The following ANGEL1 variants were observed in gnomAD, a reference collection of about 807,000 sequenced individuals.
ANGEL1 encodes the protein angel homolog 1.
ANGEL1 carries 62 observed loss-of-function variants against 76.4 expected under a neutral mutation model. The ratio of observed to expected loss-of-function variants is 0.81; its 90% confidence interval spans 0.66 to 1.00. The LOEUF is 1.00. Ranked by LOEUF, ANGEL1 falls within the 50% of genes least tolerant of loss-of-function variation. ANGEL1 has a pLI of 0.00. For missense variants in ANGEL1, 737 were observed against 836.7 expected, an observed-to-expected ratio of 0.88 and a Z score of 1.47; for synonymous variants, 340 against 331.7, an observed-to-expected ratio of 1.03 and a Z score of -0.27.
At chr14:76,810,417 CAA>C (rs1183103172) in intron 1 of ANGEL1, among the ~76,000 whole-genome samples, 2 of 114,758 alleles carry the variant, frequency 1.7e-5, no homozygotes. Context: ...GACCTCATCT[CAA>C]AAAAAAAAAG....
Position 76,807,486 on chromosome 14 carries a change from T to C in ANGEL1, c.893A>G (p.Glu298Gly). The stretch of plus-strand genomic sequence containing the variant: ...CTCCCAGTAATGATCTTCCTGGACT[T>C]CCTGGAGACACAGGATCTGGGAAAT... ...HWDPDILCLQ[E>G]VQEDHYWEQL... Residue 298 changes from glutamate to glycine, a missense_variant, in exon 4 of 10, where the codon GAA (glutamate) becomes GGA (glycine). By Grantham distance (98) the Glu-to-Gly change is moderately conservative. Around this residue, in one of 2 missense-constraint regions of ANGEL1, gnomAD observed 441 missense variants for 449.5 expected, o/e 0.98. Coordinates refer to ENST00000251089, the MANE Select transcript of ANGEL1 (RefSeq NM_015305.4). 1.2e-6 allele frequency: 2 copies of C among 1,613,642 alleles called. No individual in the cohort carries two copies. Among genetic ancestry groups the C allele is most frequent in the Admixed American group, 3.3e-5 (2 of 59,986 alleles).
At chr14:76,807,247 T>C (rs1458415284) in intron 4 of ANGEL1, among the ~76,000 whole-genome samples, 186 bp downstream of exon 4, 1 of 152,230 alleles carries the variant, frequency 6.6e-6, no homozygotes, top group East Asian at 1.9e-4. Context: ...AAGGATCAAA[T>C]AGCAATGTAT....
In ANGEL1 at chr14:76,803,860, G is replaced by A. The variant is rs765619785; in HGVS notation, c.1433C>T (p.Ala478Val). ...GCCCAGGGAGCTGGGCCACAGTGGG[G>A]CCTGCAGCTTCCTCTGGTAAAGCTG... ...SHQLYQRKLQAPLWPSSLGIT... is the reference protein window; with the variant it reads ...SHQLYQRKLQVPLWPSSLGIT... Residue 478 changes from alanine to valine, a missense_variant, in exon 6 of 10, where the codon GCC becomes GTC. By Grantham distance (64) the Ala-to-Val change is moderately conservative (BLOSUM62 0). Transcript: ENST00000251089. 6.2e-7 allele frequency: 1 copy of A among 1,614,222 alleles called. No individual in the cohort carries two copies. The highest frequency in any genetic ancestry group is 1.1e-5 in the South Asian group (1 of 91,088).
In ANGEL1 at chr14:76,807,451, G is replaced by A; in HGVS notation, c.928C>T (p.Pro310Ser). 6.2e-7 allele frequency: 1 copy of A among 1,613,062 alleles called. No homozygotes were observed. The highest frequency in any genetic ancestry group is 8.5e-7 in the Non-Finnish European group (1 of 1,179,608). Residue 310 changes from proline to serine, a missense_variant, in exon 4 of 10, where the codon CCC (proline) becomes TCC (serine). Around this residue, in one of 2 missense-constraint regions of ANGEL1, gnomAD observed 441 missense variants for 449.5 expected, o/e 0.98. Coordinates refer to ENST00000251089, the MANE Select transcript of ANGEL1 (RefSeq NM_015305.4). Reference sequence around the variant, plus strand: ...GCATTACCCATCATTCGCAGAGAGGGTTCCAGCTGCTCCCAGTAATGATCT... The same window carrying A: ...GCATTACCCATCATTCGCAGAGAGGATTCCAGCTGCTCCCAGTAATGATCT... ...QEDHYWEQLEPSLRMMGFTCF... is the reference protein window; with the variant it reads ...QEDHYWEQLESSLRMMGFTCF...
intron 7 of ANGEL1, among the ~76,000 whole-genome samples, chr14:76,799,737 C>A (rs1183695665): frequency 6.6e-6 from 1 of 152,028 alleles, no homozygotes; most frequent in Non-Finnish European, 1.5e-5. Flanking sequence ...GAAACCCAGT[C>A]TCTACAAAAT....
rs1363590873 is a variant in ANGEL1 at position 76,809,212 on chromosome 14, C to T, written c.496G>A (p.Val166Met). 2.5e-6 allele frequency: 4 copies of T among 1,613,366 alleles called. No individual in the cohort carries two copies. The highest frequency in any genetic ancestry group is 2.2e-5 in the East Asian group (1 of 44,856). ...PQYADCAALPVGALATEQWEE... is the reference protein window; with the variant it reads ...PQYADCAALPMGALATEQWEE... Reference sequence around the variant, plus strand: ...CACTGCTCTGTGGCCAGGGCACCCACTGGGAGGGCAGCACAGTCTGCATAC... The same window carrying T: ...CACTGCTCTGTGGCCAGGGCACCCATTGGGAGGGCAGCACAGTCTGCATAC... The change falls in exon 2 of 10, where the codon GTG becomes ATG. Residue 166 changes from valine to methionine, a missense_variant. By Grantham distance (21) the Val-to-Met change is conservative. Coordinates refer to ENST00000251089, the MANE Select transcript of ANGEL1 (RefSeq NM_015305.4).
At chr14:76,799,906 GAAAA>G (rs11317631) in intron 7 of ANGEL1, among the ~76,000 whole-genome samples, 4 of 119,728 alleles carry the variant, frequency 3.3e-5, no homozygotes, top group Admixed American at 1.7e-4. Context: ...ACTCTGTCAT[GAAAA>G]AAAAAAAAAA....
Sources: allele counts gnomAD v4.1 joint callset (sites outside exome capture counted in the v4.1 genomes callset), GRCh38; gene constraint gnomAD v4.1.1; regional missense constraint gnomAD v4.1.1; transcripts MANE v1.5; gene names NCBI Gene and HGNC (gene_info 2026-07-23, HGNC 2026-07-21).